GPC5: variants seen among roughly 807,000 people sequenced by gnomAD.
The protein encoded by GPC5 is glypican-5.
GPC5 carries 47 observed loss-of-function variants against 53.9 expected under a neutral mutation model. That is an observed-to-expected ratio of 0.87 (90% CI 0.69 to 1.11). GPC5 has a LOEUF of 1.11. Ranked by LOEUF, GPC5 falls within the 50% of genes most tolerant of loss-of-function variation. The pLI, the probability that GPC5 is intolerant of heterozygous loss-of-function variation, is 0.00. For synonymous variants in GPC5, 286 were observed against 263.3 expected (o/e 1.09, Z -0.84); for missense variants, 748 against 713.1 (o/e 1.05, Z -0.56).
intron 5 of GPC5, among the ~76,000 whole-genome samples, chr13:91,802,156 C>T (rs544677126): frequency 7.2e-5 from 11 of 152,260 alleles, no homozygotes; most frequent in Non-Finnish European, 8.8e-5. Flanking sequence ...AATGAAGCTG[C>T]GGACCCTCGT....
At chr13:92,274,305 AT>A (rs1378270971) in intron 7 of GPC5, among the ~76,000 whole-genome samples, 2 of 151,862 alleles carry the variant, frequency 1.3e-5, no homozygotes, top group Non-Finnish European at 2.9e-5. Context: ...CTTGCCTTGC[AT>A]TTAACATCAC....
intron 7 of GPC5, among the ~76,000 whole-genome samples, chr13:92,770,029 A>T (rs1252900386): frequency 6.6e-6 from 1 of 152,154 alleles, no homozygotes; most frequent in Non-Finnish European, 1.5e-5. Flanking sequence ...CTTTCATTGC[A>T]TGTTCCCTGT....
intron 7 of GPC5, among the ~76,000 whole-genome samples, chr13:92,290,485 C>G (rs2042985965): frequency 6.6e-6 from 1 of 152,178 alleles, no homozygotes; most frequent in Non-Finnish European, 1.5e-5. Flanking sequence ...TCCTCACCCC[C>G]TTCTGACCCT....
rs567943146 is a variant in GPC5 at position 92,171,967 on chromosome 13, C to T, written c.1561+26978C>T. ...TTGGGATTTCCATTCACACATGCTCCCAAAGCCTACCATTGCCGTAGAACC... is the reference window on the plus strand; with the variant it reads ...TTGGGATTTCCATTCACACATGCTCTCAAAGCCTACCATTGCCGTAGAACC... On this transcript the variant is annotated intron_variant, in intron 7 of 7. Transcript: ENST00000377067. 6.6e-5 allele frequency among the ~76,000 whole-genome samples: 10 copies of T among 152,276 alleles called. No individual in the cohort carries two copies. The East Asian group carries it at 1.9e-3, about 29-fold the overall frequency.
At chr13:92,195,432 T>C (rs2042250402) in intron 7 of GPC5, among the ~76,000 whole-genome samples, 1 of 152,224 alleles carries the variant, frequency 6.6e-6, no homozygotes, top group African/African-American at 2.4e-5. Flanking sequence ...GTTAGGAGCG[T>C]ATTGGCTCCA....
chr13:91,420,897 C>G (rs1289321044), intron 1 of GPC5, among the ~76,000 whole-genome samples: 1 of 152,200 alleles, frequency 6.6e-6, no homozygotes, highest in East Asian at 1.9e-4. Context: ...GTCAATTAAA[C>G]TTGTTTCCTT....
At chr13:92,004,458 TTA>T (rs58376767) in intron 6 of GPC5, among the ~76,000 whole-genome samples, 1,027 of 82,464 alleles carry the variant, frequency 0.012, 30 homozygotes, top group East Asian at 0.017. Flanking sequence ...AAAAAAAAAA[TTA>T]TATATATATA....
intron 7 of GPC5, among the ~76,000 whole-genome samples, chr13:92,315,119 G>A (rs2139215527): frequency 6.6e-6 from 1 of 152,174 alleles, no homozygotes; most frequent in East Asian, 1.9e-4. Flanking sequence ...TTAACTTCAA[G>A]GGTGACATAA....
chr13:91,899,447 T>TG (rs1266407586), intron 5 of GPC5, among the ~76,000 whole-genome samples: 1 of 152,140 alleles, frequency 6.6e-6, no homozygotes, highest in Non-Finnish European at 1.5e-5. Context: ...ATGTTTCTCA[T>TG]GGGAAAATAG....
intron 2 of GPC5, among the ~76,000 whole-genome samples, chr13:91,598,582 A>T (rs1021316272): frequency 4.8e-4 from 73 of 152,086 alleles, no homozygotes; most frequent in African/African-American, 1.7e-3. Context: ...GTTCATTTCT[A>T]CCTTTGATAT....
At chr13:92,125,754 A>G (rs974683259) in intron 6 of GPC5, among the ~76,000 whole-genome samples, 2 of 152,134 alleles carry the variant, frequency 1.3e-5, no homozygotes, top group Non-Finnish European at 2.9e-5. Context: ...ATGAACCCTC[A>G]AAATGGTGAT....
intron 6 of GPC5, among the ~76,000 whole-genome samples, chr13:92,112,202 TGAAAA>T (rs1161418243): frequency 2.6e-5 from 4 of 152,016 alleles, no homozygotes; most frequent in Non-Finnish European, 5.9e-5. Flanking sequence ...AATTTAGAAA[TGAAAA>T]GAGTAAGCTA....
chr13:91,576,085 T>C (rs2032121716), intron 2 of GPC5, among the ~76,000 whole-genome samples: 1 of 152,012 alleles, frequency 6.6e-6, no homozygotes, highest in Non-Finnish European at 1.5e-5. Flanking sequence ...AGGATGGAGA[T>C]TACCAGAGGC....
In GPC5 at chr13:92,296,824, G is replaced by C. The variant is rs530234635; in HGVS notation, c.1561+151835G>C. Among the ~76,000 whole-genome samples the C allele has an allele frequency of 6.0e-4, 91 of 152,306 alleles. 1 individual carries two copies. Among genetic ancestry groups the C allele is most frequent in the African/African-American group, 2.1e-3 (88 of 41,574 alleles). On this transcript the variant is annotated intron_variant, in intron 7 of 7. Coordinates refer to ENST00000377067, the MANE Select transcript of GPC5 (RefSeq NM_004466.6). ...TAGCACCCAGGCCAGTGGCTGCGGA[G>C]GGTGTATTGGGTCCCCCAGCAGTGC...
At chr13:92,516,056 T>C (rs1880763766) in intron 7 of GPC5, among the ~76,000 whole-genome samples, 2 of 152,304 alleles carry the variant, frequency 1.3e-5, no homozygotes, top group African/African-American at 4.8e-5. Context: ...GCCATGAACT[T>C]GCTGCTAGCT....
chr13:91,398,678 A>G lies in GPC5; in HGVS notation c.-369A>G, dbSNP rs1258367081. The G allele has an allele frequency of 8.3e-3, 182 of 21,890 alleles. No homozygotes were observed. The highest frequency in any genetic ancestry group is 0.023 in the African/African-American group (171 of 7,358). The allele number at this position is 21,890 out of a possible 1,614,324, so 1.4% of individuals were successfully genotyped here. On this transcript the variant is annotated 5_prime_UTR_variant, in exon 1 of 8. Coordinates refer to ENST00000377067, the MANE Select transcript of GPC5 (RefSeq NM_004466.6). ...CGGCGGAGGCGGCGGCGGCGGCGGC[A>G]GTGGCGGCAGTGGCGGCAGTGGCGG...
chr13:92,520,708 G>T (rs1041478695), intron 7 of GPC5, among the ~76,000 whole-genome samples: 7 of 151,958 alleles, frequency 4.6e-5, no homozygotes, highest in Non-Finnish European at 8.8e-5. Flanking sequence ...GCATTCCCTT[G>T]GAAAACTGGC....
At chr13:92,305,435 A>C (rs1029940287) in intron 7 of GPC5, among the ~76,000 whole-genome samples, 19 of 152,174 alleles carry the variant, frequency 1.2e-4, no homozygotes, top group African/African-American at 4.1e-4. Flanking sequence ...AAAACAAAAT[A>C]TCTGTACCCC....
At chr13:91,533,073 A>AG (rs1886424976) in intron 2 of GPC5, among the ~76,000 whole-genome samples, 2 of 152,206 alleles carry the variant, frequency 1.3e-5, no homozygotes, top group Admixed American at 1.3e-4. Context: ...GAGAATCTGA[A>AG]GTTAGATGAA....
Sources: allele counts gnomAD v4.1 joint callset (sites outside exome capture counted in the v4.1 genomes callset), GRCh38; gene constraint gnomAD v4.1.1; transcripts MANE v1.5; gene names NCBI Gene and HGNC (gene_info 2026-07-23, HGNC 2026-07-21).